ARHGAP15: variants seen among roughly 807,000 people sequenced by gnomAD.
ARHGAP15 encodes Rho GTPase activating protein 15.
In ARHGAP15, 51 loss-of-function variants were observed where a neutral mutation model predicts 63.7. That is an observed-to-expected ratio of 0.80 (90% CI 0.64 to 1.01). The LOEUF is 1.01. Ranked by LOEUF, ARHGAP15 falls within the 50% of genes least tolerant of loss-of-function variation. The pLI is 0.00. For synonymous variants in ARHGAP15, 191 were observed against 193.8 expected, an observed-to-expected ratio of 0.99 and a Z score of 0.12; for missense variants, 560 against 564.6, an observed-to-expected ratio of 0.99 and a Z score of 0.08.
chr2:143,496,878 C>G (rs897558640), intron 9 of ARHGAP15, among the ~76,000 whole-genome samples: 5 of 152,200 alleles, frequency 3.3e-5, no homozygotes, highest in African/African-American at 1.2e-4. Context: ...AAAACCCATA[C>G]TAAATTTTGC....
At chr2:143,725,520 A>T (rs1271805642) in intron 13 of ARHGAP15, among the ~76,000 whole-genome samples, 1 of 152,246 alleles carries the variant, frequency 6.6e-6, no homozygotes, top group Non-Finnish European at 1.5e-5. Context: ...ACTGGCCCCT[A>T]GGCAATAAAG....
At chr2:143,754,518 C>G (rs961726342) in intron 13 of ARHGAP15, among the ~76,000 whole-genome samples, 3 of 152,172 alleles carry the variant, frequency 2.0e-5, no homozygotes, top group Non-Finnish European at 4.4e-5. Flanking sequence ...ATATACAAAG[C>G]AGCAATTTCT....
chr2:143,350,587 A>AG (rs572350366), intron 6 of ARHGAP15, among the ~76,000 whole-genome samples: 6 of 150,432 alleles, frequency 4.0e-5, no homozygotes, highest in Non-Finnish European at 7.4e-5. Flanking sequence ...TGGGAGGCCG[A>AG]GGGGGGTGGA....
At chr2:143,175,593 CA>C (rs1296948156) in intron 2 of ARHGAP15, among the ~76,000 whole-genome samples, 1 of 152,162 alleles carries the variant, frequency 6.6e-6, no homozygotes, top group East Asian at 1.9e-4. Flanking sequence ...ATCCGCATAG[CA>C]CAGTGAAGAA....
intron 6 of ARHGAP15, among the ~76,000 whole-genome samples, chr2:143,386,843 T>G (rs1181343661): frequency 1.3e-5 from 2 of 152,044 alleles, no homozygotes; most frequent in Non-Finnish European, 2.9e-5. Flanking sequence ...TTGTTTATTT[T>G]TTTTTTGGTG....
Position 143,673,746 on chromosome 2 carries a change from G to GTATA in ARHGAP15, c.1139-29672_1139-29671insATAT, listed in dbSNP as rs1405952200. ...ATTGTGTGTGTGTGTGTGTGTGTGT[G>GTATA]TGTGTGTGTGTGTATATATATATAT... On this transcript the variant is annotated intron_variant, in intron 12 of 13. Coordinates refer to ENST00000295095, the MANE Select transcript of ARHGAP15 (RefSeq NM_018460.4). Among the ~76,000 whole-genome samples, 60 of 29,660 alleles carry GTATA rather than the reference G, an allele frequency of 2.0e-3. 1 individual carries two copies. The highest frequency in any genetic ancestry group is 0.012 in the East Asian group (6 of 514). 19.5% of individuals were successfully genotyped at this position (29,660 alleles called of 152,430 possible). A position where few individuals can be genotyped will look rare whatever the true frequency, so the allele number is the denominator to read the frequency against.
rs1024281453 is a variant in ARHGAP15 at position 143,444,624 on chromosome 2, G to T, written c.703+7582G>T. On this transcript the variant is annotated intron_variant, in intron 8 of 13. Coordinates refer to ENST00000295095, the MANE Select transcript of ARHGAP15 (RefSeq NM_018460.4). ...CTTCAAAATTCTAAAGAAGTAATTT[G>T]CTTTTTGATGGATTTATTTGGATGT... Among the ~76,000 whole-genome samples the T allele has an allele frequency of 6.6e-5, 10 of 151,978 alleles. 1 individual carries two copies. Among genetic ancestry groups the T allele is most frequent in the Non-Finnish European group, 1.5e-5 (1 of 67,984 alleles).
intron 6 of ARHGAP15, among the ~76,000 whole-genome samples, chr2:143,277,120 C>T (rs1681598679): frequency 6.6e-6 from 1 of 152,062 alleles, no homozygotes; most frequent in South Asian, 2.1e-4. Flanking sequence ...CTTCCTTACA[C>T]CCTCCTGAAC....
intron 10 of ARHGAP15, among the ~76,000 whole-genome samples, chr2:143,550,422 C>A (rs546500186): frequency 6.6e-6 from 1 of 152,228 alleles, no homozygotes; most frequent in South Asian, 2.1e-4. Flanking sequence ...AGAATAACAA[C>A]GGAATACAAG....
intron 6 of ARHGAP15, among the ~76,000 whole-genome samples, chr2:143,361,202 A>G (rs7561236): frequency 0.021 from 3,228 of 152,318 alleles, 108 homozygotes; most frequent in African/African-American, 0.073. Flanking sequence ...TCAAGATTGA[A>G]TTAGAAATCC....
chr2:143,362,674 C>T (rs746320988), intron 6 of ARHGAP15, among the ~76,000 whole-genome samples: 2 of 152,146 alleles, frequency 1.3e-5, no homozygotes, highest in Non-Finnish European at 2.9e-5. Flanking sequence ...CCTTCCCACT[C>T]AAAATCTGTT....
intron 8 of ARHGAP15, among the ~76,000 whole-genome samples, chr2:143,476,682 C>T (rs1691832327): frequency 6.6e-6 from 1 of 152,156 alleles, no homozygotes; most frequent in Non-Finnish European, 1.5e-5. Context: ...TCTGTTAGTC[C>T]ATGATCTTTC....
At chr2:143,646,053 A>G (rs1316900590) in intron 12 of ARHGAP15, among the ~76,000 whole-genome samples, 1 of 152,054 alleles carries the variant, frequency 6.6e-6, no homozygotes, top group East Asian at 1.9e-4. Context: ...GCACGCACTA[A>G]TGTTGAAAGT....
intron 11 of ARHGAP15, among the ~76,000 whole-genome samples, chr2:143,567,458 T>G (rs564147064): frequency 6.6e-6 from 1 of 152,016 alleles, no homozygotes; most frequent in Non-Finnish European, 1.5e-5. Context: ...AATTTGAGAG[T>G]TGCTTTCTAG....
intron 6 of ARHGAP15, among the ~76,000 whole-genome samples, chr2:143,370,141 AAC>A (rs1263238984): frequency 1.3e-5 from 2 of 152,160 alleles, no homozygotes; most frequent in Non-Finnish European, 2.9e-5. Context: ...AAGGAATGAT[AAC>A]ACAAACCTTA....
At position 143,666,674 on chromosome 2, in the gene ARHGAP15, A is replaced by T. The variant is rs369668864; in HGVS notation, c.1139-36745A>T. Among the ~76,000 whole-genome samples the T allele has an allele frequency of 2.2e-3, 258 of 119,660 alleles. 6 individuals carry two copies. The East Asian group carries it at 0.053, about 24-fold the overall frequency. 78.5% of individuals were successfully genotyped at this position (119,660 alleles called of 152,430 possible). ...AAAATTTTTGCAACCTACTCATCTG[A>T]CAAAGGGCTAATATCCAGAATCTAC... On this transcript the variant is annotated intron_variant, in intron 12 of 13. Transcript: ENST00000295095.
intron 6 of ARHGAP15, among the ~76,000 whole-genome samples, chr2:143,324,951 A>G (rs1170188183): frequency 6.6e-6 from 1 of 152,190 alleles, no homozygotes; most frequent in African/African-American, 2.4e-5. Context: ...TATAATGAAT[A>G]TTCAAAATTA....
intron 8 of ARHGAP15, among the ~76,000 whole-genome samples, chr2:143,477,038 G>C (rs1345957252): frequency 6.6e-6 from 1 of 152,170 alleles, no homozygotes; most frequent in Non-Finnish European, 1.5e-5. Flanking sequence ...GTCGTTAATG[G>C]ATAGTTCTTC....
At chr2:143,631,002 C>T (rs2105254363) in intron 12 of ARHGAP15, among the ~76,000 whole-genome samples, 1 of 152,180 alleles carries the variant, frequency 6.6e-6, no homozygotes, top group Admixed American at 6.5e-5. Flanking sequence ...TCTGCACTCC[C>T]ATCCCAAGCC....
Sources: gnomAD v4.1 joint callset for allele counts (sites outside exome capture counted in the v4.1 genomes callset) on GRCh38, gnomAD v4.1.1 for gene constraint, MANE v1.5 for transcripts, NCBI Gene and HGNC (gene_info 2026-07-23, HGNC 2026-07-21) for gene names.